The following RBP3 variants were observed in gnomAD, a reference collection of about 807,000 sequenced individuals.
RBP3 encodes retinol binding protein 3.
RBP3 carries 50 observed loss-of-function variants against 64.8 expected under a neutral mutation model. That is an observed-to-expected ratio of 0.77 (90% confidence interval 0.61 to 0.98). The LOEUF (loss-of-function observed/expected upper bound fraction) is 0.98. Among genes scored for constraint, RBP3 ranks in the 50% least tolerant of loss-of-function variants. The pLI is 0.00. For missense variants in RBP3, 1,712 were observed against 1,660.5 expected (o/e 1.03, Z -0.54); for synonymous variants, 828 against 730.2 (o/e 1.13, Z -2.16).
rs1836908322 is a variant in RBP3, at chr10:47,349,269, G to A, written c.785G>A (p.Gly262Glu). ...GTGGTGGGCGAGCGGACTGGGGGAG[G>A]GGCCCTGGACCTCCGGAAGCTGAGG... ...AIVVGERTGG[G>E]ALDLRKLRIG... is the part of the protein sequence containing the mutation. Residue 262 changes from glycine to glutamate, a missense_variant, in exon 1 of 4, where the codon GGG (glycine) becomes GAG (glutamate). Transcript: ENST00000584701. The A allele has an allele frequency of 1.2e-6, 2 of 1,612,972 alleles. No homozygotes were observed. The highest frequency in any genetic ancestry group is 2.7e-5 in the African/African-American group (2 of 74,924).
Position 47,357,529 on chromosome 10 carries a change from G to A in RBP3, c.*72G>A. 1 of 1,435,644 alleles carries A rather than the reference G, an allele frequency of 7.0e-7. No homozygotes were observed. Among genetic ancestry groups the A allele is most frequent in the Non-Finnish European group, 9.5e-7 (1 of 1,049,850 alleles). The allele number at this position is 1,435,644 out of a possible 1,614,324, so 88.9% of individuals were successfully genotyped here. A position where few individuals can be genotyped will look rare whatever the true frequency, so the allele number is the denominator to read the frequency against. On this transcript the variant is annotated 3_prime_UTR_variant, in exon 4 of 4. Coordinates refer to ENST00000584701, the MANE Select transcript of RBP3 (RefSeq NM_002900.3). ...ACACACACCAAGGGCACTCCTGCAGGTGGCCCGGCCTGAGGTTCCCAGGAG... is the reference window on the plus strand; with the variant it reads ...ACACACACCAAGGGCACTCCTGCAGATGGCCCGGCCTGAGGTTCCCAGGAG...
At position 47,350,164 on chromosome 10, in the gene RBP3, C is replaced by T. The variant is rs1555211285; in HGVS notation, c.1680C>T (p.Gly560=). The change falls in exon 1 of 4, where the codon GGC becomes GGT. Residue 560 remains glycine, a synonymous_variant. Coordinates refer to ENST00000584701, the MANE Select transcript of RBP3 (RefSeq NM_002900.3). ...TCGCCTTCCTTATGCAGTCGCTGGG[C>T]TGGGCCACACTGGTAGGTGAGATCA... ...EEFAFLMQSL[G]WATLVGEITA... 2 of 1,612,326 alleles carry T rather than the reference C, an allele frequency of 1.2e-6. No homozygotes were observed. Among genetic ancestry groups the T allele is most frequent in the Admixed American group, 1.7e-5 (1 of 60,018 alleles).
Position 47,349,847 on chromosome 10 carries a change from G to T in RBP3, c.1363G>T (p.Val455Leu). 1 of 1,613,250 alleles carries T rather than the reference G, an allele frequency of 6.2e-7. No homozygotes were observed. Among genetic ancestry groups the T allele is most frequent in the Non-Finnish European group, 8.5e-7 (1 of 1,180,028 alleles). Residue 455 changes from valine (V) to leucine (L), a missense_variant, in exon 1 of 4, where the codon GTG becomes TTG. By Grantham distance (32) the Val-to-Leu change is conservative. Transcript: ENST00000584701. ...DSFADASVLG[V>L]LAPYVLRQVW... Reference sequence around the variant, plus strand: ...TTTTGCTGACGCCTCCGTCCTGGGTGTGTTGGCCCCATATGTCCTGCGCCA... The same window carrying T: ...TTTTGCTGACGCCTCCGTCCTGGGTTTGTTGGCCCCATATGTCCTGCGCCA...
chr10:47,349,689 A>G lies in RBP3; in HGVS notation c.1205A>G (p.Asp402Gly), dbSNP rs1320681805. 1.5e-5 allele frequency: 24 copies of G among 1,611,584 alleles called. No individual in the cohort carries two copies. Among genetic ancestry groups the G allele is most frequent in the Non-Finnish European group, 2.0e-5 (24 of 1,179,996 alleles). The change falls in exon 1 of 4, where the codon GAC becomes GGC. Residue 402 changes from aspartate (D) to glycine (G), a missense_variant. By Grantham distance (94) the Asp-to-Gly change is moderately conservative. Coordinates refer to ENST00000584701, the MANE Select transcript of RBP3 (RefSeq NM_002900.3). ...PTETPSWPAP[D>G]AAAEDSPGVA... ...GAAACTCCTTCTTGGCCCGCGCCCG[A>G]CGCTGCAGCCGAAGACTCACCAGGG... is the stretch of plus-strand genomic sequence containing the variant.
Position 47,350,341 on chromosome 10 carries a change from C to T in RBP3, c.1857C>T (p.Ala619=), listed in dbSNP as rs782455598. 6 of 1,611,752 alleles carry T rather than the reference C, an allele frequency of 3.7e-6. 1 individual carries two copies. The South Asian group carries it at 5.5e-5, about 15-fold the overall frequency. The change falls in exon 1 of 4, where the codon GCC becomes GCT. Residue 619 remains alanine (A), a synonymous_variant. Transcript: ENST00000584701. ...GGVVPDAIVL[A]EEALDKAQEV... is the part of the protein sequence containing the mutation. ...TGGTGCCCGATGCCATCGTGCTGGC[C>T]GAGGAGGCCCTGGACAAAGCCCAGG...
Position 47,357,212 on chromosome 10 carries a change from A to T in RBP3, c.3499A>T (p.Ile1167Phe). 1 of 1,613,988 alleles carries T rather than the reference A, an allele frequency of 6.2e-7. No individual in the cohort carries two copies. The highest frequency in any genetic ancestry group is 8.5e-7 in the Non-Finnish European group (1 of 1,180,020). The change falls in exon 4 of 4, where the codon ATT (isoleucine) becomes TTT (phenylalanine). Residue 1167 changes from isoleucine (I) to phenylalanine (F), a missense_variant. Ile to Phe is a conservative substitution (Grantham distance 21). Transcript: ENST00000584701. ...GAAGAGGCTGGGCCGGGCCCTGGTC[A>T]TTGGGGAGGTGACCAGTGGGGGCTG... ...IMKRLGRALV[I>F]GEVTSGGCQP... is the part of the protein sequence containing the mutation.
At chr10:47,355,699 C>T (rs1837037764) in intron 3 of RBP3, among the ~76,000 whole-genome samples, 181 bp downstream of exon 3, 1 of 151,770 alleles carries the variant, frequency 6.6e-6, no homozygotes, top group Non-Finnish European at 1.5e-5. Context: ...TGCCCGTTTT[C>T]TAGAGGAAAA....
chr10:47,350,223 C>G lies in RBP3; in HGVS notation c.1739C>G (p.Pro580Arg), dbSNP rs1184981125. Residue 580 changes from proline to arginine, a missense_variant, in exon 1 of 4, where the codon CCG becomes CGG. By Grantham distance (103) the Pro-to-Arg change is moderately radical (BLOSUM62 -2). Transcript: ENST00000584701. ...AACCTGCTGCACACCCGCACGGTGCCGCTGCTGGACACACCCGAAGGCAGC... is the reference window on the plus strand; with the variant it reads ...AACCTGCTGCACACCCGCACGGTGCGGCTGCTGGACACACCCGAAGGCAGC... The part of the protein sequence containing the change: ...AGNLLHTRTV[P>R]LLDTPEGSLA... 6.2e-7 allele frequency: 1 copy of G among 1,608,652 alleles called. No individual in the cohort carries two copies. The highest frequency in any genetic ancestry group is 8.5e-7 in the Non-Finnish European group (1 of 1,179,920).
chr10:47,349,872 A>G lies in RBP3; in HGVS notation c.1388A>G (p.Gln463Arg). 1 of 1,613,128 alleles carries G rather than the reference A, an allele frequency of 6.2e-7. No individual in the cohort carries two copies. The highest frequency in any genetic ancestry group is 1.3e-5 in the African/African-American group (1 of 75,006). The change falls in exon 1 of 4, where the codon CAG becomes CGG. Residue 463 changes from glutamine to arginine, a missense_variant. Coordinates refer to ENST00000584701, the MANE Select transcript of RBP3 (RefSeq NM_002900.3). The part of the protein sequence containing the change: ...LGVLAPYVLR[Q>R]VWEPLQDTEH... The stretch of plus-strand genomic sequence containing the variant: ...GTGTTGGCCCCATATGTCCTGCGCC[A>G]GGTGTGGGAGCCGCTACAGGACACG...
In RBP3 at chr10:47,351,096, C is replaced by T. The variant is rs781960767; in HGVS notation, c.2612C>T (p.Pro871Leu). The change falls in exon 1 of 4, where the codon CCC (proline) becomes CTC (leucine). Residue 871 changes from proline to leucine, a missense_variant. Physicochemically the swap from Pro to Leu is moderately conservative, Grantham distance 98 (BLOSUM62 -3). Coordinates refer to ENST00000584701, the MANE Select transcript of RBP3 (RefSeq NM_002900.3). Reference sequence around the variant, plus strand: ...CAGCGGGCCACGGTCATTGGGGAGCCCACGGCCGGAGGCGCACTCTCTGTG... The same window carrying T: ...CAGCGGGCCACGGTCATTGGGGAGCTCACGGCCGGAGGCGCACTCTCTGTG... The part of the protein sequence containing the change: ...DLQRATVIGE[P>L]TAGGALSVGI... 2 of 1,612,552 alleles carry T rather than the reference C, an allele frequency of 1.2e-6. No individual in the cohort carries two copies. Among genetic ancestry groups the T allele is most frequent in the Admixed American group, 1.7e-5 (1 of 60,028 alleles).
Position 47,355,504 on chromosome 10 carries a change from A to G in RBP3, c.3374A>G (p.His1125Arg), listed in dbSNP as rs1304540073. 1.1e-5 allele frequency: 17 copies of G among 1,614,192 alleles called. 1 individual carries two copies. Among genetic ancestry groups the G allele is most frequent in the Non-Finnish European group, 1.4e-5 (17 of 1,180,036 alleles). The change falls in exon 3 of 4, where the codon CAC becomes CGC. Residue 1125 changes from histidine (H) to arginine (R), a missense_variant. By Grantham distance (29) the His-to-Arg change is conservative. Coordinates refer to ENST00000584701, the MANE Select transcript of RBP3 (RefSeq NM_002900.3). ...PDDSVSELWT[H>R]AQVVGERYGS... ...GACTCTGTCAGTGAACTCTGGACAC[A>G]CGCCCAGGTTGTAGGTACGTGGAGA... is the stretch of plus-strand genomic sequence containing the variant.
At position 47,350,827 on chromosome 10, in the gene RBP3, C is replaced by A. The variant is rs1565766569; in HGVS notation, c.2343C>A (p.Asp781Glu). ...TGGACACGGCTGCGCTGGTGATCGACCTGCGCTACAACCCTGGCAGCTACT... is the reference window on the plus strand; with the variant it reads ...TGGACACGGCTGCGCTGGTGATCGAACTGCGCTACAACCCTGGCAGCTACT... The part of the protein sequence containing the change: ...QLVDTAALVI[D>E]LRYNPGSYST... Residue 781 changes from aspartate (D) to glutamate (E), a missense_variant, in exon 1 of 4, where the codon GAC (aspartate) becomes GAA (glutamate). Asp to Glu is a conservative substitution (Grantham distance 45). Transcript: ENST00000584701. 1.2e-6 allele frequency: 2 copies of A among 1,613,060 alleles called. No homozygotes were observed. The highest frequency in any genetic ancestry group is 2.2e-5 in the South Asian group (2 of 91,086).
In RBP3 at chr10:47,357,241, G is replaced by A. The variant is rs142905046; in HGVS notation, c.3528G>A (p.Gln1176=). 7 of 1,613,948 alleles carry A rather than the reference G, an allele frequency of 4.3e-6. No homozygotes were observed. The African/African-American group carries it at 6.7e-5, about 15-fold the overall frequency. The change falls in exon 4 of 4, where the codon CAG becomes CAA. Residue 1176 remains glutamine, a synonymous_variant. Transcript: ENST00000584701. ...GGGAGGTGACCAGTGGGGGCTGCCA[G>A]CCACCACAGACCTACCACGTGGATG... is the stretch of plus-strand genomic sequence containing the variant. ...VIGEVTSGGC[Q]PPQTYHVDDT...
In RBP3 at chr10:47,349,530, C is replaced by G. The variant is rs782096981; in HGVS notation, c.1046C>G (p.Thr349Ser). Reference sequence around the variant, plus strand: ...TACACGCTGGTGGACCGTGTGCCCACCCTGCTGCAGCACTTGGCCAGCATG... The same window carrying G: ...TACACGCTGGTGGACCGTGTGCCCAGCCTGCTGCAGCACTTGGCCAGCATG... ...DYYTLVDRVP[T>S]LLQHLASMDF... The change falls in exon 1 of 4, where the codon ACC becomes AGC. Residue 349 changes from threonine to serine, a missense_variant. Thr to Ser is a moderately conservative substitution (Grantham distance 58). Coordinates refer to ENST00000584701, the MANE Select transcript of RBP3 (RefSeq NM_002900.3). 6.2e-7 allele frequency: 1 copy of G among 1,613,040 alleles called. No homozygotes were observed. The highest frequency in any genetic ancestry group is 1.1e-5 in the South Asian group (1 of 91,086).
intron 1 of RBP3, among the ~76,000 whole-genome samples, chr10:47,351,791 G>A (rs1011258464): frequency 3.3e-5 from 5 of 152,152 alleles, no homozygotes; most frequent in Non-Finnish European, 7.4e-5. Context: ...GGCAAAACCC[G>A]CAATTACTTT....
Position 47,351,392 on chromosome 10 carries a change from A to G in RBP3, c.2908A>G (p.Ser970Gly). The change falls in exon 1 of 4, where the codon AGC (serine) becomes GGC (glycine). Residue 970 changes from serine (S) to glycine (G), a missense_variant. Transcript: ENST00000584701. ...KMATKLSGLQ[S>G]RYSRVTSEVA... ...GGCCACCAAACTGAGCGGTCTGCAG[A>G]GCCGCTACTCCAGGGTGACCTCAGA... 1 of 1,613,588 alleles carries G rather than the reference A, an allele frequency of 6.2e-7. No homozygotes were observed. The highest frequency in any genetic ancestry group is 1.7e-5 in the Admixed American group (1 of 60,036).
At chr10:47,353,178 C>T in intron 1 of RBP3, 147 bp from the exon 2 acceptor site, 1 of 719,578 alleles carries the variant, frequency 1.4e-6, no homozygotes, top group Non-Finnish European at 2.4e-6. Flanking sequence ...CCAGACATGC[C>T]ACTGGGAAAG....
At chr10:47,353,732 C>T (rs1837011554) in intron 2 of RBP3, among the ~76,000 whole-genome samples, 2 of 152,258 alleles carry the variant, frequency 1.3e-5, no homozygotes, top group South Asian at 4.1e-4. Context: ...TTGCAAGCTT[C>T]TCCAGTGATT....
Position 47,348,787 on chromosome 10 carries a change from A to G in RBP3, c.303A>G (p.Gln101=). The stretch of plus-strand genomic sequence containing the variant: ...CCAGCACCCCCGAGCCTCCCCCACA[A>G]GTCCCAGCACTCACCAGCCTCTCAG... ...YEPSTPEPPP[Q]VPALTSLSEE... The change falls in exon 1 of 4, where the codon CAA becomes CAG. Residue 101 remains glutamine (Q), a synonymous_variant. Coordinates refer to ENST00000584701, the MANE Select transcript of RBP3 (RefSeq NM_002900.3). The G allele has an allele frequency of 4.3e-6, 7 of 1,613,652 alleles. No individual in the cohort carries two copies. Among genetic ancestry groups the G allele is most frequent in the Non-Finnish European group, 5.9e-6 (7 of 1,180,008 alleles).
Sources: allele counts gnomAD v4.1 joint callset (sites outside exome capture counted in the v4.1 genomes callset), GRCh38; gene constraint gnomAD v4.1.1; transcripts MANE v1.5; gene names NCBI Gene and HGNC (gene_info 2026-07-23, HGNC 2026-07-21).